MAN2A1: variants seen among roughly 807,000 people sequenced by gnomAD.
The protein encoded by MAN2A1 is alpha-mannosidase 2.
Under a neutral mutation model 142.6 loss-of-function variants are expected in MAN2A1, and 76 were observed. The observed-to-expected ratio is 0.53, with a 90% confidence interval of 0.44 to 0.65. The LOEUF is 0.65. MAN2A1 is among the 30% of genes least tolerant of loss of function. The pLI is 0.00. For synonymous variants in MAN2A1, 559 were observed against 473.2 expected (o/e 1.18, Z -2.35); for missense variants, 1,311 against 1,365.1 (o/e 0.96, Z 0.62).
chr5:109,834,280 G>A (rs1755004858), intron 16 of MAN2A1, among the ~76,000 whole-genome samples: 1 of 152,096 alleles, frequency 6.6e-6, no homozygotes, highest in Non-Finnish European at 1.5e-5. Flanking sequence ...AAAAAACTCC[G>A]GTGTTGTGAG....
intron 3 of MAN2A1, among the ~76,000 whole-genome samples, chr5:109,724,286 G>T (rs1423873344): frequency 6.6e-6 from 1 of 152,060 alleles, no homozygotes; most frequent in Non-Finnish European, 1.5e-5. Context: ...GGGAGAGAGG[G>T]AAGGGGGAAA....
chr5:109,735,512 G>T (rs553800559), intron 4 of MAN2A1, among the ~76,000 whole-genome samples: 2 of 152,076 alleles, frequency 1.3e-5, no homozygotes, highest in Non-Finnish European at 2.9e-5. Context: ...GGCTGGTACC[G>T]GTTGTTCCTT....
At chr5:109,848,657 T>C (rs1352545857) in intron 19 of MAN2A1, among the ~76,000 whole-genome samples, 4 of 152,122 alleles carry the variant, frequency 2.6e-5, no homozygotes, top group Non-Finnish European at 5.9e-5. Flanking sequence ...CTTACTCTCT[T>C]CACCCACCTC....
intron 4 of MAN2A1, among the ~76,000 whole-genome samples, chr5:109,733,135 G>A (rs1366505517): frequency 1.3e-5 from 2 of 152,026 alleles, no homozygotes; most frequent in African/African-American, 2.4e-5. Flanking sequence ...ATTGTGAATG[G>A]GAGTTCACTC....
chr5:109,849,963 C>T (rs912916814), intron 19 of MAN2A1, among the ~76,000 whole-genome samples: 3 of 152,164 alleles, frequency 2.0e-5, no homozygotes, highest in African/African-American at 7.2e-5. Flanking sequence ...TGCACATGGC[C>T]TGTTATCCTC....
At position 109,730,794 on chromosome 5, in the gene MAN2A1, C is replaced by G. The variant is rs184436236; in HGVS notation, c.707+1281C>G. On this transcript the variant is annotated intron_variant, in intron 4 of 21. Transcript: ENST00000261483. ...TTACACATAAGGACACTGAGTCGTC[C>G]AGGATCACAGGGCAGCCTGGCATTC... Among the ~76,000 whole-genome samples, 72 of 152,226 alleles carry G rather than the reference C, an allele frequency of 4.7e-4. No homozygotes were observed. In the East Asian group the frequency reaches 0.014, roughly 29 times the overall value.
chr5:109,719,633 A>C (rs189438453), intron 3 of MAN2A1, among the ~76,000 whole-genome samples: 1 of 152,150 alleles, frequency 6.6e-6, no homozygotes, highest in South Asian at 2.1e-4. Context: ...GCTTTAGCAT[A>C]GTAGTTTGTT....
At chr5:109,860,781 G>A (rs1194443844) in intron 20 of MAN2A1, among the ~76,000 whole-genome samples, 2 of 152,168 alleles carry the variant, frequency 1.3e-5, no homozygotes, top group Non-Finnish European at 2.9e-5. Context: ...GAATGGATAG[G>A]TGGATAGGTG....
chr5:109,801,041 G>A (rs1157491942), intron 12 of MAN2A1, among the ~76,000 whole-genome samples: 2 of 152,142 alleles, frequency 1.3e-5, no homozygotes, highest in Non-Finnish European at 2.9e-5. Context: ...ATGACTTCTT[G>A]TATGTATAGT....
chr5:109,809,840 A>G (rs1350423634), intron 12 of MAN2A1, among the ~76,000 whole-genome samples: 1 of 152,086 alleles, frequency 6.6e-6, no homozygotes, highest in Non-Finnish European at 1.5e-5. Flanking sequence ...ATTTCCATCT[A>G]CACATATCCT....
Position 109,817,390 on chromosome 5 carries a change from C to G in MAN2A1, c.2061C>G (p.Val687=), listed in dbSNP as rs1317989708. The part of the protein sequence containing the change: ...SASGKPVEVQ[V]SAVWDTANTI... ...CAGGAAAACCTGTGGAAGTTCAAGT[C>G]AGCGCAGTTTGGGATACAGCAAATA... The change falls in exon 13 of 22, where the codon GTC becomes GTG. Residue 687 remains valine (V), a synonymous_variant. Transcript: ENST00000261483. 11 of 1,614,072 alleles carry G rather than the reference C, an allele frequency of 6.8e-6. No individual in the cohort carries two copies. The highest frequency in any genetic ancestry group is 9.3e-6 in the Non-Finnish European group (11 of 1,179,988).
chr5:109,716,375 C>CT (rs1344073539), intron 3 of MAN2A1, 111 bp downstream of exon 3: 6 of 809,318 alleles, frequency 7.4e-6, no homozygotes, highest in Non-Finnish European at 1.2e-5. Context: ...ACATTATTCT[C>CT]TGACTTTTAA....
At chr5:109,846,398 C>T (rs532351106) in intron 18 of MAN2A1, among the ~76,000 whole-genome samples, 2 of 152,232 alleles carry the variant, frequency 1.3e-5, no homozygotes, top group Admixed American at 6.5e-5. Flanking sequence ...AACTTAGGTC[C>T]TTTTCTGAAT....
intron 17 of MAN2A1, among the ~76,000 whole-genome samples, chr5:109,843,728 A>T (rs965901249): frequency 1.3e-5 from 2 of 150,198 alleles, no homozygotes; most frequent in Admixed American, 1.3e-4. Flanking sequence ...TGATTTATAC[A>T]ATCTTATCAG....
At chr5:109,698,255 G>A (rs1049585095) in intron 1 of MAN2A1, among the ~76,000 whole-genome samples, 2 of 152,236 alleles carry the variant, frequency 1.3e-5, no homozygotes, top group Non-Finnish European at 1.5e-5. Flanking sequence ...GATCCTGAGC[G>A]TTGCTCAGCT....
rs560569284 is a variant in MAN2A1, at chr5:109,844,170, C to T, written c.2701-1695C>T. On this transcript the variant is annotated intron_variant, in intron 17 of 21. Transcript: ENST00000261483. ...AGTTATTTGTATTTTTGGGTGTAGA[C>T]ATGAATGAGAAACTTAGTAAAACCG... 2.6e-5 allele frequency among the ~76,000 whole-genome samples: 4 copies of T among 152,160 alleles called. No individual in the cohort carries two copies. The South Asian group carries it at 8.3e-4, about 32-fold the overall frequency.
At chr5:109,763,924 C>T (rs1241802501) in intron 5 of MAN2A1, among the ~76,000 whole-genome samples, 2 of 152,126 alleles carry the variant, frequency 1.3e-5, no homozygotes, top group East Asian at 3.9e-4. Context: ...GCCTCAGCCT[C>T]CCTAGTAGCT....
intron 19 of MAN2A1, chr5:109,853,857 T>C (rs758392405): frequency 1.4e-4 from 22 of 152,220 alleles, no homozygotes; most frequent in Non-Finnish European, 2.9e-4. Flanking sequence ...TTTAATACAA[T>C]TCATTCAGAC....
chr5:109,724,322 C>G (rs952604059), intron 3 of MAN2A1, among the ~76,000 whole-genome samples: 1 of 152,090 alleles, frequency 6.6e-6, no homozygotes, highest in African/African-American at 2.4e-5. Context: ...CTGTTGGGCA[C>G]TGTGTTCACT....
Sources: allele counts gnomAD v4.1 joint callset (sites outside exome capture counted in the v4.1 genomes callset), GRCh38; gene constraint gnomAD v4.1.1; transcripts MANE v1.5; gene names NCBI Gene and HGNC (gene_info 2026-07-23, HGNC 2026-07-21).